CEP97: variants seen among roughly 807,000 people sequenced by gnomAD.
CEP97 encodes centrosomal protein of 97 kDa.
A neutral mutation model predicts 73.1 loss-of-function variants in CEP97; 43 were observed. The ratio of observed to expected loss-of-function variants is 0.59; its 90% CI spans 0.46 to 0.76. The LOEUF (loss-of-function observed/expected upper bound fraction) is 0.76. CEP97 is among the 30% of genes least tolerant of loss of function. The pLI is 0.00. For missense variants in CEP97, 939 were observed against 1,014.0 expected (o/e 0.93, Z 1.00); for synonymous variants, 337 against 370.0 (o/e 0.91, Z 1.02).
At position 101,762,491 on chromosome 3, in the gene CEP97, A is replaced by G. The variant is rs145813958; in HGVS notation, c.1824A>G (p.Arg608=). The G allele has an allele frequency of 2.9e-4, 464 of 1,604,784 alleles. No homozygotes were observed. Among genetic ancestry groups the G allele is most frequent in the Non-Finnish European group, 3.8e-4 (451 of 1,174,328 alleles). Residue 608 remains arginine (R), a synonymous_variant, in exon 10 of 11, where the codon CGA becomes CGG. Transcript: ENST00000341893. ...GTGTTTTGAATTATTGTAGATTACGAAAAGAAAGAGATGAAGAACGTATTA... is the reference window on the plus strand; with the variant it reads ...GTGTTTTGAATTATTGTAGATTACGGAAAGAAAGAGATGAAGAACGTATTA... ...VCLTDEIRRL[R]KERDEERIKK...
rs1939324228 is a variant in CEP97 at position 101,766,637 on chromosome 3, G to GTA, written c.*1086_*1087insTA. On this transcript the variant is annotated 3_prime_UTR_variant, in exon 11 of 11. Coordinates refer to ENST00000341893, the MANE Select transcript of CEP97 (RefSeq NM_024548.4). ...TAAACCTCACTTTACTTGTTAAAAG[G>GTA]GATATATATATATATATATATGTCT... 3.6e-5 allele frequency: 5 copies of GTA among 139,626 alleles called. No individual in the cohort carries two copies. Among genetic ancestry groups the GTA allele is most frequent in the African/African-American group, 1.4e-4 (5 of 35,706 alleles). 8.6% of individuals were successfully genotyped at this position (139,626 alleles called of 1,614,324 possible).
chr3:101,750,994 AT>A (rs1484839546), intron 6 of CEP97, among the ~76,000 whole-genome samples: 9 of 151,914 alleles, frequency 5.9e-5, no homozygotes, highest in Admixed American at 5.9e-4. Context: ...AGTTCTTTTA[AT>A]TGTGATGTTA....
At chr3:101,752,925 C>T (rs1206727514) in intron 6 of CEP97, among the ~76,000 whole-genome samples, 8 of 152,290 alleles carry the variant, frequency 5.3e-5, no homozygotes, top group South Asian at 4.1e-4. Flanking sequence ...AGCTTTGTTC[C>T]GTTGCTGGTG....
intron 6 of CEP97, among the ~76,000 whole-genome samples, chr3:101,748,128 T>G (rs1243569062): frequency 4.9e-5 from 1 of 20,262 alleles, no homozygotes; most frequent in Non-Finnish European, 8.8e-5. Context: ...AGACCTTGTC[T>G]CAAAAAAAAA....
In CEP97 at chr3:101,728,639, A is replaced by G. The variant is rs190063973; in HGVS notation, c.346-197A>G. Among the ~76,000 whole-genome samples the G allele has an allele frequency of 2.7e-4, 41 of 151,974 alleles. No individual in the cohort carries two copies. The Middle Eastern group carries it at 0.017, about 63-fold the overall frequency. On this transcript the variant is annotated intron_variant, in intron 3 of 10. Coordinates refer to ENST00000341893, the MANE Select transcript of CEP97 (RefSeq NM_024548.4). ...TTGGTAGCCCTCTACTCATAGAGAGATAATGAAAGTGTACGTTTACAACCT... is the reference window on the plus strand; with the variant it reads ...TTGGTAGCCCTCTACTCATAGAGAGGTAATGAAAGTGTACGTTTACAACCT...
intron 5 of CEP97, among the ~76,000 whole-genome samples, chr3:101,732,211 A>G (rs7640584): frequency 0.049 from 7,469 of 152,248 alleles, 652 homozygotes; most frequent in African/African-American, 0.17. Context: ...ATAAGGGTTT[A>G]TAAGACTCCC....
chr3:101,751,829 T>G (rs1938834510), intron 6 of CEP97, among the ~76,000 whole-genome samples: 1 of 152,178 alleles, frequency 6.6e-6, no homozygotes. Context: ...ATGGGTTTCC[T>G]GAATACAGCA....
At chr3:101,744,059 C>T (rs1938538208) in intron 6 of CEP97, among the ~76,000 whole-genome samples, 1 of 151,180 alleles carries the variant, frequency 6.6e-6, no homozygotes, top group African/African-American at 2.4e-5. Flanking sequence ...TTGGAATGCT[C>T]ATAAACCACT....
At chr3:101,744,109 G>T (rs1028476508) in intron 6 of CEP97, among the ~76,000 whole-genome samples, 12 of 151,784 alleles carry the variant, frequency 7.9e-5, no homozygotes, top group African/African-American at 2.7e-4. Context: ...TGAAAAACTA[G>T]AAGTATCTAC....
In CEP97 at chr3:101,767,716, A is replaced by G. The variant is rs755270863; in HGVS notation, c.*2165A>G. 6.6e-6 allele frequency: 1 copy of G among 152,174 alleles called. No homozygotes were observed. Among genetic ancestry groups the G allele is most frequent in the Non-Finnish European group, 1.5e-5 (1 of 68,024 alleles). 9.4% of individuals were successfully genotyped at this position (152,174 alleles called of 1,614,324 possible). A position where few individuals can be genotyped will look rare whatever the true frequency, so the allele number is the denominator to read the frequency against. ...ATACTTTCATTAAAAATTTGGCACA[A>G]TATGATAATTGTTAATATTCTGTTC... On this transcript the variant is annotated 3_prime_UTR_variant, in exon 11 of 11. Coordinates refer to ENST00000341893, the MANE Select transcript of CEP97 (RefSeq NM_024548.4).
intron 1 of CEP97, among the ~76,000 whole-genome samples, chr3:101,726,001 A>G (rs1383428300): frequency 6.6e-6 from 1 of 152,100 alleles, no homozygotes; most frequent in Non-Finnish European, 1.5e-5. Context: ...ATATACCACA[A>G]TGGTTAATTG....
At chr3:101,741,020 A>G (rs954933641) in intron 6 of CEP97, among the ~76,000 whole-genome samples, 102 of 152,234 alleles carry the variant, frequency 6.7e-4, no homozygotes, top group African/African-American at 2.4e-3. Flanking sequence ...CTGACTTCAA[A>G]CTACACTACA....
intron 4 of CEP97, among the ~76,000 whole-genome samples, chr3:101,729,391 T>C (rs1938020836): frequency 6.6e-6 from 1 of 152,136 alleles, no homozygotes. Context: ...TTGAAACTTT[T>C]TGTTGTTAGT....
intron 6 of CEP97, among the ~76,000 whole-genome samples, chr3:101,752,720 C>T (rs1160446460): frequency 6.6e-6 from 1 of 152,172 alleles, no homozygotes; most frequent in Admixed American, 6.5e-5. Flanking sequence ...TCACGTAGTT[C>T]TCGAGCCTTG....
chr3:101,735,443 C>T (rs954394376), intron 6 of CEP97, among the ~76,000 whole-genome samples: 1 of 152,132 alleles, frequency 6.6e-6, no homozygotes, highest in Admixed American at 6.5e-5. Flanking sequence ...TCTGCAGCTC[C>T]CAGTGAGATT....
rs1306464889 is a variant in CEP97 at position 101,724,646 on chromosome 3, G to T, written c.-31G>T. 1 of 1,613,900 alleles carries T rather than the reference G, an allele frequency of 6.2e-7. No individual in the cohort carries two copies. Among genetic ancestry groups the T allele is most frequent in the Non-Finnish European group, 8.5e-7 (1 of 1,179,842 alleles). On this transcript the variant is annotated 5_prime_UTR_variant, in exon 1 of 11. Coordinates refer to ENST00000341893, the MANE Select transcript of CEP97 (RefSeq NM_024548.4). ...AAGCTCCACAGAGCCGCGGGAGGAC[G>T]GTTGCCTGGTATTATTAGCAAGCAG...
rs1225279901 is a variant in CEP97, at chr3:101,764,191, G to A, written c.1894-656G>A. 2.6e-5 allele frequency among the ~76,000 whole-genome samples: 4 copies of A among 152,362 alleles called. No individual in the cohort carries two copies. In the South Asian group the frequency reaches 6.2e-4, roughly 24 times the overall value. ...GAAAATTGTAAAATAGACAGGTGGG[G>A]TGTGGTGGCTTGTGCCCGTAATCCC... On this transcript the variant is annotated intron_variant, in intron 10 of 10. Coordinates refer to ENST00000341893, the MANE Select transcript of CEP97 (RefSeq NM_024548.4).
chr3:101,737,698 C>A (rs1023399969), intron 6 of CEP97, among the ~76,000 whole-genome samples: 3 of 152,116 alleles, frequency 2.0e-5, no homozygotes, highest in African/African-American at 7.2e-5. Flanking sequence ...AAGCACTAAA[C>A]ATGGAAAGGA....
At chr3:101,736,347 T>C (rs556941826) in intron 6 of CEP97, among the ~76,000 whole-genome samples, 3 of 152,282 alleles carry the variant, frequency 2.0e-5, no homozygotes, top group African/African-American at 7.2e-5. Flanking sequence ...CCTTGAGCTC[T>C]GCTAAGGGAC....
Sources: gnomAD v4.1 joint callset for allele counts (sites outside exome capture counted in the v4.1 genomes callset) on GRCh38, gnomAD v4.1.1 for gene constraint, MANE v1.5 for transcripts, NCBI Gene and HGNC (gene_info 2026-07-23, HGNC 2026-07-21) for gene names.